Variants in ABCA12 observed in about 807,000 individuals in gnomAD.
The protein encoded by ABCA12 is glucosylceramide transporter ABCA12.
In ABCA12, 156 loss-of-function variants were observed where a neutral mutation model predicts 293.5. The ratio of observed to expected loss-of-function variants is 0.53; its 90% CI spans 0.47 to 0.61. The LOEUF is 0.61. Among genes scored for constraint, ABCA12 ranks in the 20% least tolerant of loss-of-function variants. The probability of loss-of-function intolerance (pLI) is 0.00; values close to 1 mark genes in which losing one functional copy is unlikely to be tolerated. For synonymous variants in ABCA12, 1,063 were observed against 1,108.0 expected (o/e 0.96, Z 0.81); for missense variants, 2,797 against 3,090.2 (o/e 0.91, Z 2.25).
chr2:215,025,600 G>T (rs201917662), intron 11 of ABCA12, 73 bp downstream of exon 11: 8 of 840,140 alleles, frequency 9.5e-6, no homozygotes, highest in South Asian at 3.7e-5. Flanking sequence ...AAGTGTTAAG[G>T]TTTTTTTTTT....
At chr2:215,062,744 T>C (rs1016038716) in intron 3 of ABCA12, among the ~76,000 whole-genome samples, 1 of 152,062 alleles carries the variant, frequency 6.6e-6, no homozygotes, top group African/African-American at 2.4e-5. Flanking sequence ...CTTGTCCTTG[T>C]TGGTCTCTAC....
chr2:215,064,313 T>A (rs1413076081), intron 2 of ABCA12, 94 bp from the exon 3 acceptor site: 1 of 1,306,348 alleles, frequency 7.7e-7, no homozygotes, highest in Non-Finnish European at 1.1e-6. Context: ...GTTAACCTCC[T>A]GGATTACCAC....
chr2:215,020,854 T>C (rs1700615214), intron 11 of ABCA12: 1 of 151,984 alleles, frequency 6.6e-6, no homozygotes, highest in Non-Finnish European at 1.5e-5. Context: ...GGCATATACC[T>C]GCACTCCTGG....
In ABCA12 at chr2:215,000,701, T is replaced by G. The variant is rs1322476414; in HGVS notation, c.3179+4A>C. 6.2e-7 allele frequency: 1 copy of G among 1,613,866 alleles called. No homozygotes were observed. The highest frequency in any genetic ancestry group is 8.5e-7 in the Non-Finnish European group (1 of 1,179,922). On this transcript the variant is annotated splice_donor_region_variant and intron_variant, in intron 22 of 52. Coordinates refer to ENST00000272895, the MANE Select transcript of ABCA12 (RefSeq NM_173076.3). The stretch of plus-strand genomic sequence containing the variant: ...TTAAAAAGGCTGGAAGTGCACACAC[T>G]TACTTGTCTTTCATGAAGCAGGGAT...
intron 1 of ABCA12, among the ~76,000 whole-genome samples, chr2:215,119,585 T>C (rs183869730): frequency 5.3e-4 from 80 of 152,212 alleles, no homozygotes; most frequent in Middle Eastern, 3.4e-3. Flanking sequence ...TTGCTTGGTT[T>C]TGTGAGCCTT....
intron 51 of ABCA12, among the ~76,000 whole-genome samples, chr2:214,935,671 C>T (rs1698197101): frequency 6.6e-6 from 1 of 152,040 alleles, no homozygotes. Context: ...GTGGCACATG[C>T]CTATATGCTT....
chr2:214,946,567 C>T (rs1024132705), intron 48 of ABCA12, among the ~76,000 whole-genome samples: 1 of 152,136 alleles, frequency 6.6e-6, no homozygotes, highest in African/African-American at 2.4e-5. Flanking sequence ...GAAAGATGGG[C>T]TGTGCATCAC....
chr2:215,067,936 A>G (rs536025615), intron 2 of ABCA12, among the ~76,000 whole-genome samples: 38 of 152,320 alleles, frequency 2.5e-4, no homozygotes, highest in African/African-American at 8.9e-4. Flanking sequence ...TACAAAAAGA[A>G]TCAGTTCTAA....
At chr2:215,098,066 A>G (rs1702283765) in intron 2 of ABCA12, among the ~76,000 whole-genome samples, 1 of 152,188 alleles carries the variant, frequency 6.6e-6, no homozygotes, top group Admixed American at 6.5e-5. Flanking sequence ...GTTAGGTTCA[A>G]TTTTGGTCCA....
chr2:215,009,473 AT>A (rs1205015892), intron 18 of ABCA12, among the ~76,000 whole-genome samples: 2 of 152,032 alleles, frequency 1.3e-5, no homozygotes, highest in Admixed American at 6.6e-5. Context: ...GTTAAAAAAA[AT>A]CAACAAATAA....
intron 12 of ABCA12, 30 bp from the exon 13 acceptor site, chr2:215,019,478 A>G (rs1279427160): frequency 6.2e-7 from 1 of 1,613,218 alleles, no homozygotes; most frequent in Non-Finnish European, 8.5e-7. Context: ...AAGAAATTCA[A>G]CTAAGTATTT....
intron 15 of ABCA12, among the ~76,000 whole-genome samples, chr2:215,014,277 G>A (rs866233413): frequency 1.3e-5 from 2 of 152,116 alleles, no homozygotes; most frequent in Non-Finnish European, 2.9e-5. Context: ...ATTTGAGAGT[G>A]CTGTAGGTAG....
At chr2:215,091,629 T>C (rs1702149403) in intron 2 of ABCA12, among the ~76,000 whole-genome samples, 1 of 152,110 alleles carries the variant, frequency 6.6e-6, no homozygotes, top group African/African-American at 2.4e-5. Flanking sequence ...TAGAAAAAGC[T>C]CCAAAAATTA....
chr2:215,023,290 C>A (rs2888327), intron 11 of ABCA12: 9,136 of 152,244 alleles, frequency 0.06, 429 homozygotes, highest in Middle Eastern at 0.088. Flanking sequence ...GGTAAAGGAA[C>A]AGACCTGGCA....
intron 1 of ABCA12, among the ~76,000 whole-genome samples, chr2:215,119,089 G>T (rs1702746802): frequency 6.6e-6 from 1 of 152,182 alleles, no homozygotes; most frequent in Non-Finnish European, 1.5e-5. Context: ...TCCTGCCTCA[G>T]CCTCCCAAGT....
chr2:215,113,020 A>C (rs1486404392), intron 1 of ABCA12, among the ~76,000 whole-genome samples: 1 of 152,198 alleles, frequency 6.6e-6, no homozygotes, highest in East Asian at 1.9e-4. Context: ...GCCTATACTT[A>C]ATAAAGTGAA....
chr2:215,020,292 G>GCACACACA (rs55917549), intron 11 of ABCA12, among the ~76,000 whole-genome samples: 105,527 of 148,644 alleles, frequency 0.71, 40,487 homozygotes, highest in East Asian at 0.9. Context: ...GGGAATGTAT[G>GCACACACA]CACACACACA....
chr2:214,974,944 A>C, intron 34 of ABCA12, 80 bp from the exon 35 acceptor site: 1 of 1,268,908 alleles, frequency 7.9e-7, no homozygotes, highest in South Asian at 1.2e-5. Context: ...AAGAAATGAA[A>C]TGTGCTGTAT....
Position 215,000,830 on chromosome 2 carries a change from G to A in ABCA12, c.3054C>T (p.Gly1018=). ...HNSPSHNQIY[G]RAFIYLQDSI... ...TATCCTGTAAATAAATAAAAGCCCT[G>A]CCATAGATCTGGTTGTGTGATGGAG... The change falls in exon 22 of 53, where the codon GGC becomes GGT. Residue 1018 remains glycine (G), a synonymous_variant. Transcript: ENST00000272895. 6.2e-7 allele frequency: 1 copy of A among 1,614,118 alleles called. No individual in the cohort carries two copies.
Sources: allele counts gnomAD v4.1 joint callset (sites outside exome capture counted in the v4.1 genomes callset), GRCh38; gene constraint gnomAD v4.1.1; transcripts MANE v1.5; gene names NCBI Gene and HGNC (gene_info 2026-07-23, HGNC 2026-07-21).